Variants in SPECC1 observed in about 807,000 individuals in gnomAD.
The protein encoded by SPECC1 is cytospin-B.
In SPECC1, 62 loss-of-function variants were observed where a neutral mutation model predicts 104.1. The ratio of observed to expected loss-of-function variants is 0.60; its 90% CI spans 0.49 to 0.74. The LOEUF (loss-of-function observed/expected upper bound fraction) is 0.74. SPECC1 is among the 30% of genes least tolerant of loss of function. The probability of loss-of-function intolerance (pLI) is 0.00; values close to 1 mark genes in which losing one functional copy is unlikely to be tolerated. For missense variants in SPECC1, 1,306 were observed against 1,310.5 expected (o/e 1.00, Z 0.05); for synonymous variants, 513 against 501.6 (o/e 1.02, Z -0.30).
At chr17:20,097,974 C>T (rs775892845) in intron 2 of SPECC1, among the ~76,000 whole-genome samples, 6 of 152,316 alleles carry the variant, frequency 3.9e-5, no homozygotes, top group Middle Eastern at 3.4e-3. Context: ...ATTTTCAACA[C>T]ATCCCCTGAG....
At chr17:20,123,455 C>T (rs1403113729) in intron 3 of SPECC1, among the ~76,000 whole-genome samples, 2 of 152,202 alleles carry the variant, frequency 1.3e-5, no homozygotes, top group African/African-American at 2.4e-5. Context: ...CCCCTGCATG[C>T]TCCCAGTTAC....
intron 4 of SPECC1, among the ~76,000 whole-genome samples, chr17:20,213,101 C>G (rs1186203532): frequency 6.6e-6 from 1 of 151,410 alleles, no homozygotes; most frequent in East Asian, 1.9e-4. Context: ...TCTTTTTTTT[C>G]TTTTCTTTTT....
intron 12 of SPECC1, among the ~76,000 whole-genome samples, chr17:20,289,789 TC>T (rs2041096020): frequency 6.6e-6 from 1 of 152,268 alleles, no homozygotes; most frequent in East Asian, 1.9e-4. Flanking sequence ...TTGGGGTTGT[TC>T]CACTCTGAGA....
chr17:20,240,970 G>T (rs901485636), intron 7 of SPECC1, among the ~76,000 whole-genome samples: 1 of 152,204 alleles, frequency 6.6e-6, no homozygotes, highest in Admixed American at 6.5e-5. Context: ...GATTTTGCCT[G>T]TCACCTTCTC....
chr17:20,211,878 T>C (rs754512944), intron 4 of SPECC1, among the ~76,000 whole-genome samples: 1 of 152,224 alleles, frequency 6.6e-6, no homozygotes, highest in Non-Finnish European at 1.5e-5. Flanking sequence ...TAATGCCTTT[T>C]GTGAGGTGAG....
chr17:20,038,173 T>C (rs2045169126), intron 1 of SPECC1, among the ~76,000 whole-genome samples: 1 of 152,072 alleles, frequency 6.6e-6, no homozygotes, highest in Non-Finnish European at 1.5e-5. Flanking sequence ...ATCAGTACTT[T>C]GTTTCACTGA....
chr17:20,139,425 G>A (rs1220282666), intron 3 of SPECC1, among the ~76,000 whole-genome samples: 1 of 152,156 alleles, frequency 6.6e-6, no homozygotes, highest in African/African-American at 2.4e-5. Flanking sequence ...TAGGGATGCA[G>A]CAGTTAACGA....
At chr17:20,207,225 C>T (rs1199811134) in intron 4 of SPECC1, among the ~76,000 whole-genome samples, 2 of 152,162 alleles carry the variant, frequency 1.3e-5, no homozygotes, top group African/African-American at 2.4e-5. Context: ...TCCACTGCTT[C>T]GTCTGTCTTA....
At chr17:20,297,581 T>C (rs1444759150) in intron 13 of SPECC1, among the ~76,000 whole-genome samples, 1 of 152,250 alleles carries the variant, frequency 6.6e-6, no homozygotes, top group African/African-American at 2.4e-5. Context: ...AAGGGCCACG[T>C]AATAGACTCA....
chr17:20,126,034 C>T (rs558413078), intron 3 of SPECC1, among the ~76,000 whole-genome samples: 12 of 152,250 alleles, frequency 7.9e-5, no homozygotes, highest in African/African-American at 2.9e-4. Context: ...TCCCTGGGTG[C>T]CTGTGGTATA....
chr17:20,067,472 T>C (rs1597642561), intron 1 of SPECC1: 1 of 152,282 alleles, frequency 6.6e-6, no homozygotes, highest in Non-Finnish European at 1.5e-5. Flanking sequence ...GATTTTTTTT[T>C]CAGTCTTTTT....
At chr17:20,192,909 G>A (rs1369566536) in intron 3 of SPECC1, among the ~76,000 whole-genome samples, 1 of 152,126 alleles carries the variant, frequency 6.6e-6, no homozygotes, top group African/African-American at 2.4e-5. Context: ...CCTTAAGAGA[G>A]GATTCTTGGA....
intron 3 of SPECC1, among the ~76,000 whole-genome samples, chr17:20,148,543 GA>G (rs10667828): frequency 0.03 from 4,098 of 136,094 alleles, 73 homozygotes; most frequent in Non-Finnish European, 0.035. Context: ...ATGTGCACTA[GA>G]AAAAAAAAAA....
intron 7 of SPECC1, chr17:20,238,629 C>T (rs1315967631): frequency 9.6e-7 from 1 of 1,041,542 alleles, no homozygotes; most frequent in Non-Finnish European, 1.2e-6. Context: ...TTGAGGTCTT[C>T]TCTGTAAAAT....
intron 2 of SPECC1, among the ~76,000 whole-genome samples, chr17:20,102,066 C>T (rs554840380): frequency 7.2e-5 from 11 of 152,286 alleles, no homozygotes; most frequent in African/African-American, 2.4e-4. Flanking sequence ...AAAGCAGCAC[C>T]GAAGTGCACA....
rs538433268 is a variant in SPECC1 at position 20,181,766 on chromosome 17, T to G, written c.284-22567T>G. ...TAGCATTGGAACGTGAAAAAAAAAT[T>G]CAATTCACAAATACCATAAAATATC... On this transcript the variant is annotated intron_variant, in intron 3 of 14. Transcript: ENST00000395527. 8.5e-5 allele frequency among the ~76,000 whole-genome samples: 13 copies of G among 152,210 alleles called. No individual in the cohort carries two copies. The East Asian group carries it at 2.5e-3, about 29-fold the overall frequency.
Position 20,318,041 on chromosome 17 carries a change from C to T in SPECC1, c.*3976C>T. ...TTTTTCTATACTCAGCAGAGTGTGC[C>T]ATTCCCAGTTTCTGTCCTGAGGATT... On this transcript the variant is annotated 3_prime_UTR_variant, in exon 15 of 15. Transcript: ENST00000395527. 2 of 230,600 alleles carry T rather than the reference C, an allele frequency of 8.7e-6. No individual in the cohort carries two copies. The highest frequency in any genetic ancestry group is 1.7e-5 in the Non-Finnish European group (2 of 116,466). 14.3% of individuals were successfully genotyped at this position (230,600 alleles called of 1,614,324 possible). A position where few individuals can be genotyped will look rare whatever the true frequency, so the allele number is the denominator to read the frequency against.
chr17:20,055,450 C>A (rs995794641), intron 1 of SPECC1, among the ~76,000 whole-genome samples: 4 of 152,146 alleles, frequency 2.6e-5, no homozygotes, highest in African/African-American at 9.7e-5. Flanking sequence ...ACAAAAGTTC[C>A]AGTTTCTCTA....
At chr17:20,262,430 T>C (rs1440465728) in intron 12 of SPECC1, among the ~76,000 whole-genome samples, 2 of 152,182 alleles carry the variant, frequency 1.3e-5, no homozygotes, top group Admixed American at 6.5e-5. Flanking sequence ...TTATGAGAGA[T>C]TTATTTCTCT....
Sources: gnomAD v4.1 joint callset for allele counts (sites outside exome capture counted in the v4.1 genomes callset) on GRCh38, gnomAD v4.1.1 for gene constraint, MANE v1.5 for transcripts, NCBI Gene and HGNC (gene_info 2026-07-23, HGNC 2026-07-21) for gene names.